MORN5: variants seen among roughly 807,000 people sequenced by gnomAD.
MORN5 encodes MORN repeat-containing protein 5.
Under a neutral mutation model 22.1 loss-of-function variants are expected in MORN5, and 21 were observed. The ratio of observed to expected loss-of-function variants is 0.95; its 90% CI spans 0.67 to 1.37. MORN5 has a LOEUF of 1.37. Ranked by LOEUF, MORN5 falls within the 40% of genes most tolerant of loss-of-function variation. The pLI is 0.00. For synonymous variants in MORN5, 73 were observed against 74.0 expected, an observed-to-expected ratio of 0.99 and a Z score of 0.07; for missense variants, 211 against 215.1, an observed-to-expected ratio of 0.98 and a Z score of 0.12.
chr9:122,178,587 G>A (rs1383942498), intron 4 of MORN5, among the ~76,000 whole-genome samples: 1 of 152,196 alleles, frequency 6.6e-6, no homozygotes, highest in African/African-American at 2.4e-5. Flanking sequence ...AGAAAAAACT[G>A]TATCACTACT....
At chr9:122,186,674 T>G (rs1829643998) in intron 4 of MORN5, among the ~76,000 whole-genome samples, 1 of 152,076 alleles carries the variant, frequency 6.6e-6, no homozygotes, top group Non-Finnish European at 1.5e-5. Context: ...CTGGTAACAA[T>G]TCCTCCCCTG....
chr9:122,192,364 G>A (rs1350521585), intron 4 of MORN5, among the ~76,000 whole-genome samples: 1 of 152,230 alleles, frequency 6.6e-6, no homozygotes, highest in East Asian at 1.9e-4. Flanking sequence ...ATGAGGAAAT[G>A]AGACCTAGGG....
rs768901247 is a variant in MORN5 at position 122,162,548 on chromosome 9, T to C, written c.47+2529T>C. 7.8e-4 allele frequency among the ~76,000 whole-genome samples: 119 copies of C among 152,138 alleles called. 1 individual carries two copies. Among genetic ancestry groups the C allele is most frequent in the Non-Finnish European group, 3.4e-4 (23 of 68,020 alleles). Reference sequence around the variant, plus strand: ...GTACTCATAGCAGCCTTATTTATAATAACCAAAACTAGAAACAAACCCAAA... The same window carrying C: ...GTACTCATAGCAGCCTTATTTATAACAACCAAAACTAGAAACAAACCCAAA... On this transcript the variant is annotated intron_variant, in intron 1 of 4. Coordinates refer to ENST00000373764, the MANE Select transcript of MORN5 (RefSeq NM_198469.4).
At chr9:122,193,115 C>T (rs1169592822) in intron 4 of MORN5, among the ~76,000 whole-genome samples, 1 of 152,090 alleles carries the variant, frequency 6.6e-6, no homozygotes, top group African/African-American at 2.4e-5. Flanking sequence ...GAGTATGAAG[C>T]CCAGCCCACA....
intron 2 of MORN5, among the ~76,000 whole-genome samples, chr9:122,169,125 G>C (rs944922474): frequency 1.7e-4 from 26 of 152,182 alleles, no homozygotes; most frequent in African/African-American, 6.3e-4. Flanking sequence ...ATTGTATGGT[G>C]CCCACCCACT....
chr9:122,171,946 CTTTTTTTTTTTT>C (rs71371928), intron 3 of MORN5, among the ~76,000 whole-genome samples: 4 of 58,574 alleles, frequency 6.8e-5, no homozygotes, highest in Non-Finnish European at 1.3e-4. Flanking sequence ...TCACTTCCAT[CTTTTTTTTTTTT>C]TTTTTTTTTT....
At chr9:122,180,992 C>T (rs1414625791) in intron 4 of MORN5, among the ~76,000 whole-genome samples, 1 of 152,236 alleles carries the variant, frequency 6.6e-6, no homozygotes, top group Non-Finnish European at 1.5e-5. Flanking sequence ...CTAGGTCCCT[C>T]GTATTGTTCA....
intron 3 of MORN5, among the ~76,000 whole-genome samples, chr9:122,172,013 G>A (rs1456017161): frequency 6.9e-6 from 1 of 145,296 alleles, no homozygotes; most frequent in East Asian, 2.0e-4. Flanking sequence ...GGAGTGCAGT[G>A]GTATGATCAT....
rs577522516 is a variant in MORN5, at chr9:122,177,044, TAGA to T, written c.439+2420_439+2422del. Among the ~76,000 whole-genome samples, 344 of 152,322 alleles carry T rather than the reference TAGA, an allele frequency of 2.3e-3. 7 individuals carry two copies. Among genetic ancestry groups the T allele is most frequent in the Non-Finnish European group, 1.5e-3 (103 of 68,028 alleles). On this transcript the variant is annotated intron_variant, in intron 4 of 4. Transcript: ENST00000373764. ...AGTAAGAGATTAGGTTGTGAGAACC[TAGA>T]AGGTCAACAGAGGGACCCCCCAGGA... is the stretch of plus-strand genomic sequence containing the variant.
intron 4 of MORN5, chr9:122,175,617 T>TACACACACAC (rs3048170): frequency 2.1e-6 from 2 of 945,132 alleles, no homozygotes; most frequent in African/African-American, 3.6e-5. Flanking sequence ...CGCACATGCA[T>TACACACACAC]ACACACACAC....
At chr9:122,178,143 T>C (rs376250415) in intron 4 of MORN5, among the ~76,000 whole-genome samples, 1 of 152,342 alleles carries the variant, frequency 6.6e-6, no homozygotes, top group African/African-American at 2.4e-5. Flanking sequence ...AAGGATCTCT[T>C]GAGCCCAGGA....
chr9:122,162,282 G>T (rs963657020), intron 1 of MORN5, among the ~76,000 whole-genome samples: 2 of 152,138 alleles, frequency 1.3e-5, no homozygotes, highest in Non-Finnish European at 2.9e-5. Context: ...TTAATTTAGG[G>T]AGGGGATATT....
At chr9:122,188,155 T>C (rs1053093581) in intron 4 of MORN5, among the ~76,000 whole-genome samples, 3 of 152,310 alleles carry the variant, frequency 2.0e-5, no homozygotes, top group Admixed American at 1.3e-4. Flanking sequence ...AATAGCAGGT[T>C]AGGGAGTTTA....
At chr9:122,162,859 G>C (rs1317305830) in intron 1 of MORN5, among the ~76,000 whole-genome samples, 2 of 152,182 alleles carry the variant, frequency 1.3e-5, no homozygotes, top group African/African-American at 2.4e-5. Context: ...AGAAAGGCAT[G>C]CAGAAACTTT....
At chr9:122,165,688 G>T (rs1829265827) in intron 1 of MORN5, among the ~76,000 whole-genome samples, 5 of 152,174 alleles carry the variant, frequency 3.3e-5, no homozygotes, top group Admixed American at 3.3e-4. Context: ...ATCACACATT[G>T]TATAATTACT....
chr9:122,197,030 T>C lies in MORN5; in HGVS notation c.440-2855T>C, dbSNP rs1228922353. On this transcript the variant is annotated intron_variant, in intron 4 of 4. Transcript: ENST00000373764. The surrounding 1 kb of genome is among the most constrained non-coding windows in gnomAD (Gnocchi z 5.7). ...CATATACAACAAAATAATCATTCCC[T>C]CATTTTTAGAAATGTACATTTTCCT... 6.6e-6 allele frequency among the ~76,000 whole-genome samples: 1 copy of C among 152,220 alleles called. No individual in the cohort carries two copies. Among genetic ancestry groups the C allele is most frequent in the African/African-American group, 2.4e-5 (1 of 41,444 alleles).
chr9:122,166,110 C>T (rs1829272425), intron 1 of MORN5, among the ~76,000 whole-genome samples: 1 of 152,058 alleles, frequency 6.6e-6, no homozygotes, highest in Non-Finnish European at 1.5e-5. Context: ...ATAAAACCAT[C>T]AGATCTCATG....
intron 4 of MORN5, 93 bp downstream of exon 4, chr9:122,174,720 G>A (rs948837458): frequency 6.2e-7 from 1 of 1,604,446 alleles, no homozygotes; most frequent in Non-Finnish European, 8.5e-7. Flanking sequence ...CACTTGATGA[G>A]AAAGAAGCTT....
At chr9:122,183,387 A>G (rs997245835) in intron 4 of MORN5, among the ~76,000 whole-genome samples, 4 of 152,166 alleles carry the variant, frequency 2.6e-5, no homozygotes, top group Non-Finnish European at 1.5e-5. Flanking sequence ...CATCTGCAAA[A>G]TAACTGTACC....
Sources: gnomAD v4.1 joint callset for allele counts (sites outside exome capture counted in the v4.1 genomes callset) on GRCh38, gnomAD v4.1.1 for gene constraint, Gnocchi (gnomAD v3.1) non-coding constraint, MANE v1.5 for transcripts, NCBI Gene and HGNC (gene_info 2026-07-23, HGNC 2026-07-21) for gene names.